STIM1: variants seen among roughly 807,000 people sequenced by gnomAD.
STIM1 encodes the protein stromal interaction molecule 1.
In STIM1, 25 loss-of-function variants were observed where a neutral mutation model predicts 74.7. That is an observed-to-expected ratio of 0.33 (90% CI 0.24 to 0.47). The LOEUF is 0.47. Ranked by LOEUF, STIM1 falls within the 20% of genes least tolerant of loss-of-function variation. The probability of loss-of-function intolerance (pLI) is 1.00; values close to 1 mark genes in which losing one functional copy is unlikely to be tolerated. For synonymous variants in STIM1, 328 were observed against 348.8 expected (o/e 0.94, Z 0.66); for missense variants, 728 against 920.8 (o/e 0.79, Z 2.71).
At chr11:3,891,533 C>T (rs1363809327) in intron 1 of STIM1, among the ~76,000 whole-genome samples, 9 of 152,134 alleles carry the variant, frequency 5.9e-5, no homozygotes, top group Admixed American at 5.2e-4. Context: ...GATCTTCTCA[C>T]CTCAGCCACC....
At chr11:4,058,091 C>G (rs928355697) in intron 4 of STIM1, among the ~76,000 whole-genome samples, 1 of 152,152 alleles carries the variant, frequency 6.6e-6, no homozygotes, top group Non-Finnish European at 1.5e-5. Context: ...GAAAAGACGA[C>G]AATGTTTATT....
At chr11:3,973,403 CTT>C in intron 2 of STIM1, 2 of 378,782 alleles carry the variant, frequency 5.3e-6, no homozygotes, top group Non-Finnish European at 1.0e-5. Flanking sequence ...TATGGTATTT[CTT>C]TTTTTTTCTC....
At chr11:3,857,123 T>TTTC (rs1554949907) in intron 1 of STIM1, among the ~76,000 whole-genome samples, 2 of 143,312 alleles carry the variant, frequency 1.4e-5, no homozygotes, top group South Asian at 2.4e-4. Flanking sequence ...TTTTTTTTTT[T>TTTC]CCCTGAGTCT....
At chr11:4,059,476 C>T in intron 5 of STIM1, 80 bp downstream of exon 5, 1 of 1,194,148 alleles carries the variant, frequency 8.4e-7, no homozygotes, top group East Asian at 2.4e-5. Flanking sequence ...GGCTAAGGCT[C>T]TGGGTCTCCT....
intron 1 of STIM1, among the ~76,000 whole-genome samples, chr11:3,876,818 C>T (rs919107205): frequency 6.6e-6 from 1 of 152,112 alleles, no homozygotes; most frequent in African/African-American, 2.4e-5. Flanking sequence ...ATGAAAACCC[C>T]ATAAAGATAG....
intron 2 of STIM1, among the ~76,000 whole-genome samples, chr11:3,989,855 C>A (rs2093592788): frequency 6.6e-6 from 1 of 152,148 alleles, no homozygotes; most frequent in African/African-American, 2.4e-5. Context: ...GTTTATCTGG[C>A]CTCTAGTCTA....
At chr11:4,088,588 T>C in intron 12 of STIM1, 1 of 960,164 alleles carries the variant, frequency 1.0e-6, no homozygotes, top group Middle Eastern at 2.1e-4. Flanking sequence ...TAAGGGATGC[T>C]GTGAATTCCA....
At chr11:3,988,207 G>A (rs144176174) in intron 2 of STIM1, among the ~76,000 whole-genome samples, 203 of 152,304 alleles carry the variant, frequency 1.3e-3, no homozygotes, top group East Asian at 0.013. Flanking sequence ...CGAAGTTGCC[G>A]TTTGTTCATG....
At chr11:3,951,652 A>T (rs2093149626) in intron 1 of STIM1, among the ~76,000 whole-genome samples, 1 of 152,128 alleles carries the variant, frequency 6.6e-6, no homozygotes, top group South Asian at 2.1e-4. Context: ...TTACTGATTG[A>T]ACCCAGAAGG....
At chr11:3,912,185 CCTCCCCTCCCTT>C (rs1215251534) in intron 1 of STIM1, among the ~76,000 whole-genome samples, 24 of 101,762 alleles carry the variant, frequency 2.4e-4, no homozygotes, top group African/African-American at 7.5e-4. Context: ...TCCTTTCTCC[CCTCCCCTCCCTT>C]CTCCCCTACC....
At chr11:3,930,917 A>T (rs1590576126) in intron 1 of STIM1, among the ~76,000 whole-genome samples, 1 of 152,320 alleles carries the variant, frequency 6.6e-6, no homozygotes, top group East Asian at 1.9e-4. Flanking sequence ...CATTCTTTTA[A>T]CATACAGGAC....
intron 1 of STIM1, among the ~76,000 whole-genome samples, chr11:3,948,397 G>T (rs2093105541): frequency 6.6e-6 from 1 of 151,924 alleles, no homozygotes; most frequent in African/African-American, 2.4e-5. Context: ...AAGGGATGAG[G>T]AGAACCTAAT....
intron 3 of STIM1, among the ~76,000 whole-genome samples, chr11:4,031,555 G>A (rs1200623790): frequency 1.3e-5 from 2 of 152,124 alleles, no homozygotes; most frequent in Non-Finnish European, 2.9e-5. Flanking sequence ...CACTTGGTAT[G>A]GTTGGTCTAC....
intron 3 of STIM1, among the ~76,000 whole-genome samples, chr11:4,044,714 T>C (rs949844407): frequency 6.6e-6 from 1 of 152,194 alleles, no homozygotes; most frequent in Non-Finnish European, 1.5e-5. Context: ...GCTGAAGCTA[T>C]TCTCCTTTTC....
At chr11:3,921,674 GCTGGACCTCA>G (rs2092719656) in intron 1 of STIM1, 1 of 148,450 alleles carries the variant, frequency 6.7e-6, no homozygotes, top group South Asian at 2.1e-4. Flanking sequence ...CTCCCCTTGA[GCTGGACCTCA>G]CTTTCTATTC....
chr11:4,062,215 TA>T (rs933133511), intron 5 of STIM1, among the ~76,000 whole-genome samples: 7 of 152,178 alleles, frequency 4.6e-5, no homozygotes, highest in African/African-American at 1.7e-4. Flanking sequence ...TTCACCAAAA[TA>T]AAAAAGTTTT....
At chr11:4,022,633 G>A (rs1056095019) in intron 2 of STIM1, among the ~76,000 whole-genome samples, 1 of 152,100 alleles carries the variant, frequency 6.6e-6, no homozygotes, top group East Asian at 1.9e-4. Flanking sequence ...TTGTGTTGAG[G>A]TATATTCCTT....
chr11:3,872,214 G>A (rs1451143564), intron 1 of STIM1, among the ~76,000 whole-genome samples: 1 of 152,028 alleles, frequency 6.6e-6, no homozygotes, highest in Non-Finnish European at 1.5e-5. Context: ...CACCACGCCC[G>A]GCTAAGTTTT....
At chr11:3,955,881 G>T (rs2093205718) in intron 1 of STIM1, among the ~76,000 whole-genome samples, 1 of 151,522 alleles carries the variant, frequency 6.6e-6, no homozygotes, top group Non-Finnish European at 1.5e-5. Context: ...AAAAGCAGGA[G>T]TTTCACTTCT....
Sources: gnomAD v4.1 joint callset for allele counts (sites outside exome capture counted in the v4.1 genomes callset) on GRCh38, gnomAD v4.1.1 for gene constraint, MANE v1.5 for transcripts, NCBI Gene and HGNC (gene_info 2026-07-23, HGNC 2026-07-21) for gene names.